CAPN12: variants seen among roughly 807,000 people sequenced by gnomAD.
CAPN12 encodes calpain-12.
CAPN12 carries 107 observed loss-of-function variants against 95.0 expected under a neutral mutation model. That is an observed-to-expected ratio of 1.13 (90% CI 0.96 to 1.32). The LOEUF (loss-of-function observed/expected upper bound fraction) is 1.32. CAPN12 is among the 40% of genes most tolerant of loss of function. CAPN12 has a pLI of 0.00. For missense variants in CAPN12, 1,136 were observed against 997.8 expected (o/e 1.14, Z -1.87); for synonymous variants, 505 against 415.5 (o/e 1.22, Z -2.62).
rs766736177 is a variant in CAPN12 at position 38,736,118 on chromosome 19, G to C, written c.1575C>G (p.His525Gln). Residue 525 changes from histidine to glutamine, a missense_variant, in exon 12 of 21, where the codon CAC becomes CAG. Transcript: ENST00000328867. ...FTLRVFSERR[H>Q]TAVEIDDVIS... ...GGGTGCCCGGGGCTCACACGGCCGT[G>C]TGGCGGCGCTCGGAGAAGACACGCA... 2.1e-5 allele frequency: 31 copies of C among 1,504,052 alleles called. No individual in the cohort carries two copies. In the South Asian group the frequency reaches 3.9e-4, roughly 19 times the overall value. 93.2% of individuals were successfully genotyped at this position (1,504,052 alleles called of 1,614,324 possible).
chr19:38,735,337 G>C (rs200871192), intron 14 of CAPN12, 33 bp downstream of exon 14: 2 of 1,520,994 alleles, frequency 1.3e-6, no homozygotes, highest in South Asian at 2.6e-5. Context: ...AGGCCGCAGC[G>C]GGATACCCCC....
At chr19:38,737,438 C>T (rs916594641) in intron 9 of CAPN12, 37 bp downstream of exon 9, 1 of 1,611,170 alleles carries the variant, frequency 6.2e-7, no homozygotes, top group East Asian at 2.2e-5. Context: ...CAGCGCCCCC[C>T]ACCCCAGGAA....
Position 38,738,008 on chromosome 19 carries a change from G to GCC in CAPN12, c.965+263_965+264dup, listed in dbSNP as rs558936339. 1.1e-4 allele frequency among the ~76,000 whole-genome samples: 16 copies of GCC among 152,092 alleles called. No individual in the cohort carries two copies. The South Asian group carries it at 3.3e-3, about 32-fold the overall frequency. On this transcript the variant is annotated intron_variant, in intron 8 of 20. Coordinates refer to ENST00000328867, the MANE Select transcript of CAPN12 (RefSeq NM_144691.4). Reference sequence around the variant, plus strand: ...GCCTTCCTCCATTGCCCTAAATACTGCCCATCCCTTTCAATCCTCCACAGA... The same window carrying GCC: ...GCCTTCCTCCATTGCCCTAAATACTGCCCCCATCCCTTTCAATCCTCCACAGA...
intron 14 of CAPN12, 147 bp downstream of exon 14, chr19:38,735,223 G>A (rs1176537277): frequency 7.7e-6 from 6 of 778,692 alleles, no homozygotes; most frequent in South Asian, 7.5e-5. Flanking sequence ...GGAGCTGTGA[G>A]CATTTCAAGA....
intron 10 of CAPN12, chr19:38,736,912 A>T: frequency 6.6e-6 from 1 of 152,052 alleles, no homozygotes; most frequent in Non-Finnish European, 1.1e-5. Flanking sequence ...CCCCAGCCCT[A>T]CTAGCCCCCT....
At chr19:38,736,964 A>ACTCCTCCC (rs66572836) in intron 10 of CAPN12, 192 bp downstream of exon 10, 12 of 100,756 alleles carry the variant, frequency 1.2e-4, no homozygotes, top group African/African-American at 2.9e-4. Context: ...CTGCTCCTCC[A>ACTCCTCCC]CTCCTCCCCT....
In CAPN12 at chr19:38,730,898, C is replaced by T. The variant is rs375931149; in HGVS notation, c.2134-20G>A. The stretch of plus-strand genomic sequence containing the variant: ...CATCCACTAAGGAAGAGAAGGAAGA[C>T]AGTGGCTTGAGGCAGGGAGCTCGCA... On this transcript the variant is annotated intron_variant, in intron 20 of 20. Transcript: ENST00000328867. 7.1e-6 allele frequency: 11 copies of T among 1,551,090 alleles called. No homozygotes were observed. The highest frequency in any genetic ancestry group is 9.6e-6 in the Non-Finnish European group (11 of 1,147,292).
In CAPN12 at chr19:38,730,884, G is replaced by A. The variant is rs73933053; in HGVS notation, c.2134-6C>T. On this transcript the variant is annotated splice_polypyrimidine_tract_variant and splice_region_variant and intron_variant, in intron 20 of 20. Transcript: ENST00000328867. Reference sequence around the variant, plus strand: ...AAGGTGGCCACCTCCATCCACTAAGGAAGAGAAGGAAGACAGTGGCTTGAG... The same window carrying A: ...AAGGTGGCCACCTCCATCCACTAAGAAAGAGAAGGAAGACAGTGGCTTGAG... 6,373 of 1,551,596 alleles carry A rather than the reference G, an allele frequency of 4.1e-3. 225 individuals are homozygous for A. In the African/African-American group the frequency reaches 0.077, roughly 19 times the overall value.
chr19:38,740,436 T>C (rs1970482243), intron 4 of CAPN12, among the ~76,000 whole-genome samples: 1 of 151,988 alleles, frequency 6.6e-6, no homozygotes. Context: ...GTTCAAGCGA[T>C]CCTCCTCCCA....
At chr19:38,736,408 C>T (rs1970154031) in intron 11 of CAPN12, 90 bp from the exon 12 acceptor site, 1 of 1,513,160 alleles carries the variant, frequency 6.6e-7, no homozygotes, top group Admixed American at 2.0e-5. Flanking sequence ...CCCTGCCTAA[C>T]CCCTGTCCAC....
In CAPN12 at chr19:38,741,812, C is replaced by T; in HGVS notation, c.525G>A (p.Glu175=). ...LMFVRSEQRN[E]FWAPLLEKAY... The stretch of plus-strand genomic sequence containing the variant: ...CCTTCTCCAGGAGTGGGGCCCAGAA[C>T]TCATTCCGCTGTTCCGAGCGCACGA... The change falls in exon 4 of 21, where the codon GAG becomes GAA. Residue 175 remains glutamate, a synonymous_variant. Coordinates refer to ENST00000328867, the MANE Select transcript of CAPN12 (RefSeq NM_144691.4). 1 of 1,614,102 alleles carries T rather than the reference C, an allele frequency of 6.2e-7. No homozygotes were observed. Among genetic ancestry groups the T allele is most frequent in the African/African-American group, 1.3e-5 (1 of 75,032 alleles).
chr19:38,738,801 A>T, intron 5 of CAPN12, 153 bp from the exon 6 acceptor site: 1 of 652,916 alleles, frequency 1.5e-6, no homozygotes, highest in East Asian at 2.7e-5. Context: ...TTAGTGACTG[A>T]AGGCGAAAGA....
At chr19:38,740,800 CAAA>C (rs34848133) in intron 4 of CAPN12, among the ~76,000 whole-genome samples, 6 of 131,006 alleles carry the variant, frequency 4.6e-5, no homozygotes, top group Non-Finnish European at 1.6e-5. Flanking sequence ...AACTCCATCT[CAAA>C]AAAAAAAAAA....
At chr19:38,739,448 C>CAAAAAAAAAAAA (rs34076220) in intron 5 of CAPN12, 1 of 50,992 alleles carries the variant, frequency 2.0e-5, no homozygotes, top group Non-Finnish European at 3.5e-5. Context: ...GATTCCGTCT[C>CAAAAAAAAAAAA]AAAAAAAAAA....
intron 7 of CAPN12, 32 bp downstream of exon 7, chr19:38,738,386 C>T (rs778918437): frequency 3.9e-5 from 63 of 1,610,684 alleles, no homozygotes; most frequent in Non-Finnish European, 5.2e-5. Flanking sequence ...CAGGTGGGGT[C>T]CAGCCCCACA....
intron 5 of CAPN12, 23 bp downstream of exon 5, chr19:38,740,028 G>A (rs558292104): frequency 1.2e-5 from 19 of 1,529,904 alleles, no homozygotes; most frequent in South Asian, 1.0e-4. Context: ...TGGGGGTTCC[G>A]CATGCGAGTC....
chr19:38,733,659 G>A, intron 18 of CAPN12, 44 bp downstream of exon 18: 2 of 1,550,014 alleles, frequency 1.3e-6, no homozygotes, highest in Non-Finnish European at 1.8e-6. Context: ...GGATGGGAGA[G>A]AACAGGTCCT....
intron 17 of CAPN12, 162 bp downstream of exon 17, chr19:38,733,980 C>G: frequency 1.2e-6 from 1 of 839,204 alleles, no homozygotes; most frequent in Non-Finnish European, 1.9e-6. Flanking sequence ...AGAGGACAAG[C>G]TGAGGCTGGG....
intron 8 of CAPN12, among the ~76,000 whole-genome samples, chr19:38,737,868 C>T (rs956656261): frequency 6.6e-6 from 1 of 152,120 alleles, no homozygotes; most frequent in Non-Finnish European, 1.5e-5. Flanking sequence ...CCCCAAATAT[C>T]GTTAAATTGC....
Sources: allele counts gnomAD v4.1 joint callset (sites outside exome capture counted in the v4.1 genomes callset), GRCh38; gene constraint gnomAD v4.1.1; transcripts MANE v1.5; gene names NCBI Gene and HGNC (gene_info 2026-07-23, HGNC 2026-07-21).